The following PLCB4 variants were observed in gnomAD, a reference collection of about 807,000 sequenced individuals.
The protein encoded by PLCB4 is phospholipase C beta 4, also known as 1-phosphatidylinositol 4,5-bisphosphate phosphodiesterase beta-4.
In PLCB4, 77 loss-of-function variants were observed where a neutral mutation model predicts 178.8. The observed-to-expected ratio is 0.43, with a 90% CI of 0.36 to 0.52. The LOEUF is 0.52. PLCB4 is among the 20% of genes least tolerant of loss of function. PLCB4 has a pLI of 0.00. For missense variants in PLCB4, 1,024 were observed against 1,453.4 expected (o/e 0.70, Z 4.80); for synonymous variants, 496 against 490.8 (o/e 1.01, Z -0.14).
chr20:9,290,576 A>G (rs1179470804), intron 3 of PLCB4, among the ~76,000 whole-genome samples: 1 of 152,280 alleles, frequency 6.6e-6, no homozygotes, highest in South Asian at 2.1e-4. Flanking sequence ...AAGACTGTTG[A>G]CCTTACAAGA....
chr20:9,394,832 G>A (rs923621341), intron 18 of PLCB4, among the ~76,000 whole-genome samples: 2 of 152,112 alleles, frequency 1.3e-5, no homozygotes, highest in African/African-American at 4.8e-5. Context: ...ATATATGAGA[G>A]TGCCTGTTTC....
chr20:9,137,605 A>C (rs2092408727), intron 2 of PLCB4, among the ~76,000 whole-genome samples: 3 of 152,142 alleles, frequency 2.0e-5, no homozygotes, highest in Admixed American at 1.3e-4. Context: ...ATTCAAAGAA[A>C]TAGAAGGGTG....
At chr20:9,248,867 T>A (rs972293359) in intron 3 of PLCB4, among the ~76,000 whole-genome samples, 1 of 152,226 alleles carries the variant, frequency 6.6e-6, no homozygotes, top group South Asian at 2.1e-4. Flanking sequence ...TTTCTTATAA[T>A]TCTGGAAGTC....
intron 2 of PLCB4, among the ~76,000 whole-genome samples, chr20:9,113,235 A>C (rs1000070565): frequency 2.6e-5 from 4 of 152,108 alleles, no homozygotes; most frequent in Non-Finnish European, 5.9e-5. Flanking sequence ...AAATGCTTGA[A>C]ATGTTTTAGA....
intron 1 of PLCB4, among the ~76,000 whole-genome samples, chr20:9,082,698 CT>C (rs1568715341): frequency 6.6e-6 from 1 of 152,130 alleles, no homozygotes; most frequent in Non-Finnish European, 1.5e-5. Flanking sequence ...TATTTAGAGA[CT>C]TTTTGGACCT....
intron 7 of PLCB4, among the ~76,000 whole-genome samples, chr20:9,347,205 T>TA (rs2033885982): frequency 6.6e-6 from 1 of 152,182 alleles, no homozygotes; most frequent in African/African-American, 2.4e-5. Context: ...GGAGTGCACA[T>TA]ACGCTGTTGA....
chr20:9,127,846 G>A (rs749120398), intron 2 of PLCB4, among the ~76,000 whole-genome samples: 13 of 151,884 alleles, frequency 8.6e-5, no homozygotes, highest in Admixed American at 3.3e-4. Flanking sequence ...CACCACACCC[G>A]GCTACTTTTT....
chr20:9,326,312 G>A (rs941431916), intron 4 of PLCB4, among the ~76,000 whole-genome samples: 1 of 152,140 alleles, frequency 6.6e-6, no homozygotes, highest in African/African-American at 2.4e-5. Flanking sequence ...AGGTCACTTA[G>A]AAAGTTGATG....
chr20:9,443,460 C>T (rs1842215524), intron 30 of PLCB4, among the ~76,000 whole-genome samples: 1 of 152,214 alleles, frequency 6.6e-6, no homozygotes, highest in Non-Finnish European at 1.5e-5. Flanking sequence ...TTCAGCTGCC[C>T]TTCTCCATAG....
chr20:9,237,438 T>C (rs1205060911), intron 3 of PLCB4, among the ~76,000 whole-genome samples: 1 of 152,210 alleles, frequency 6.6e-6, no homozygotes, highest in Non-Finnish European at 1.5e-5. Flanking sequence ...GAGTTTGGAC[T>C]TTTTCTAGTA....
At chr20:9,183,423 G>A (rs1008716465) in intron 2 of PLCB4, among the ~76,000 whole-genome samples, 1 of 152,100 alleles carries the variant, frequency 6.6e-6, no homozygotes, top group African/African-American at 2.4e-5. Context: ...GAGGCATGGG[G>A]GAAAGGGCTG....
At chr20:9,433,652 GGGTTATT>G (rs2041576852) in intron 28 of PLCB4, among the ~76,000 whole-genome samples, 1 of 152,136 alleles carries the variant, frequency 6.6e-6, no homozygotes, top group Non-Finnish European at 1.5e-5. Context: ...AATATATGAG[GGGTTATT>G]GTACTGTTCT....
chr20:9,164,941 C>A (rs747969929), intron 2 of PLCB4, among the ~76,000 whole-genome samples: 2 of 152,156 alleles, frequency 1.3e-5, no homozygotes, highest in Non-Finnish European at 2.9e-5. Flanking sequence ...CCTCTTGAGT[C>A]TGCCTGTGTA....
chr20:9,325,517 C>T (rs927216912), intron 4 of PLCB4, among the ~76,000 whole-genome samples: 2 of 152,168 alleles, frequency 1.3e-5, no homozygotes, highest in Non-Finnish European at 2.9e-5. Context: ...CTCCCAGAAT[C>T]TGAGCATCCA....
At chr20:9,302,168 G>A (rs763464288) in intron 3 of PLCB4, among the ~76,000 whole-genome samples, 1 of 151,706 alleles carries the variant, frequency 6.6e-6, no homozygotes, top group African/African-American at 2.4e-5. Context: ...TACAATCAAA[G>A]CCTTTTTTTT....
chr20:9,472,308 G>T (rs758611161), intron 36 of PLCB4, among the ~76,000 whole-genome samples: 4 of 152,174 alleles, frequency 2.6e-5, no homozygotes, highest in Non-Finnish European at 5.9e-5. Context: ...TAAGGGGAAG[G>T]CACAACAGTC....
At chr20:9,116,071 A>AATAT (rs141948381) in intron 2 of PLCB4, among the ~76,000 whole-genome samples, 19 of 151,788 alleles carry the variant, frequency 1.3e-4, no homozygotes, top group African/African-American at 4.3e-4. Context: ...TAGAAATGTG[A>AATAT]ATATATATAT....
intron 3 of PLCB4, among the ~76,000 whole-genome samples, chr20:9,295,701 T>C (rs1424892171): frequency 6.6e-6 from 1 of 152,160 alleles, no homozygotes; most frequent in Non-Finnish European, 1.5e-5. Flanking sequence ...TTCTTGTTTT[T>C]GTCAGGTTTG....
At chr20:9,096,528 C>T (rs2090916657) in intron 2 of PLCB4, among the ~76,000 whole-genome samples, 186 bp downstream of exon 2, 1 of 152,190 alleles carries the variant, frequency 6.6e-6, no homozygotes, top group Non-Finnish European at 1.5e-5. Context: ...TAAAGAATGA[C>T]TATTTTGAGA....
Sources: allele counts gnomAD v4.1 joint callset (sites outside exome capture counted in the v4.1 genomes callset), GRCh38; gene constraint gnomAD v4.1.1; transcripts MANE v1.5; gene names NCBI Gene and HGNC (gene_info 2026-07-23, HGNC 2026-07-21).